The following VIL1 variants were observed in gnomAD, a reference collection of about 807,000 sequenced individuals.
VIL1 encodes villin-1.
Under a neutral mutation model 104.0 loss-of-function variants are expected in VIL1, and 86 were observed. That is an observed-to-expected ratio of 0.83 (90% CI 0.69 to 0.99). The LOEUF is 0.99. Among genes scored for constraint, VIL1 ranks in the 50% least tolerant of loss-of-function variants. The pLI is 0.00. For missense variants in VIL1, 944 were observed against 1,054.1 expected, an observed-to-expected ratio of 0.90 and a Z score of 1.45; for synonymous variants, 394 against 412.6, an observed-to-expected ratio of 0.95 and a Z score of 0.55.
chr2:218,432,261 A>T, intron 12 of VIL1, 78 bp downstream of exon 12: 1 of 1,549,792 alleles, frequency 6.5e-7, no homozygotes, highest in Non-Finnish European at 8.7e-7. Context: ...AGTGGCCATC[A>T]CCCTTGGGTT....
intron 19 of VIL1, among the ~76,000 whole-genome samples, chr2:218,441,340 GATC>G (rs1689280998): frequency 6.6e-6 from 1 of 151,108 alleles, no homozygotes; most frequent in Admixed American, 6.6e-5. Flanking sequence ...AGTGAGTCAA[GATC>G]ATGCCACTGC....
intron 19 of VIL1, among the ~76,000 whole-genome samples, chr2:218,448,736 G>A (rs1044027097): frequency 1.5e-4 from 23 of 152,054 alleles, no homozygotes; most frequent in African/African-American, 5.5e-4. Context: ...CAGGTGTGCT[G>A]GCTCACACCT....
chr2:218,433,821 G>A (rs1043333062), intron 13 of VIL1, among the ~76,000 whole-genome samples: 5 of 151,630 alleles, frequency 3.3e-5, no homozygotes, highest in Non-Finnish European at 7.4e-5. Flanking sequence ...GCAGGAGAAT[G>A]GCTTGAACCT....
chr2:218,444,769 G>A (rs1284921356), intron 19 of VIL1, among the ~76,000 whole-genome samples: 3 of 152,194 alleles, frequency 2.0e-5, no homozygotes, highest in African/African-American at 7.2e-5. Context: ...CTAAGTATTT[G>A]TGCACTGATG....
At chr2:218,428,549 G>C (rs1689042280) in intron 6 of VIL1, among the ~76,000 whole-genome samples, 1 of 152,226 alleles carries the variant, frequency 6.6e-6, no homozygotes, top group Non-Finnish European at 1.5e-5. Flanking sequence ...CAGTGTGACA[G>C]AGCCTGTGCC....
chr2:218,446,894 G>A (rs1379047321), intron 19 of VIL1, among the ~76,000 whole-genome samples: 2 of 151,388 alleles, frequency 1.3e-5, no homozygotes, highest in African/African-American at 4.9e-5. Flanking sequence ...CTCCGGAGTA[G>A]CTGGGATTAC....
chr2:218,424,319 T>G lies in VIL1; in HGVS notation c.118T>G (p.Phe40Val), dbSNP rs762191907. 9.3e-6 allele frequency: 15 copies of G among 1,613,948 alleles called. No individual in the cohort carries two copies. Among genetic ancestry groups the G allele is most frequent in the Non-Finnish European group, 1.2e-5 (14 of 1,180,034 alleles). Reference sequence around the variant, plus strand: ...TGTTCCTTCCAGCACCTTTGGAAGCTTCTTCGATGGTGACTGCTACATCAT... The same window carrying G: ...TGTTCCTTCCAGCACCTTTGGAAGCGTCTTCGATGGTGACTGCTACATCAT... The part of the protein sequence containing the change: ...VPVPSSTFGS[F>V]FDGDCYIILA... The change falls in exon 3 of 20, where the codon TTC becomes GTC. Residue 40 changes from phenylalanine to valine, a missense_variant. Coordinates refer to ENST00000248444, the MANE Select transcript of VIL1 (RefSeq NM_007127.3).
At chr2:218,436,140 A>C (rs749370585) in intron 15 of VIL1, among the ~76,000 whole-genome samples, 3 of 152,124 alleles carry the variant, frequency 2.0e-5, no homozygotes, top group Non-Finnish European at 4.4e-5. Context: ...TGACTGGCTC[A>C]AATGGTTTTT....
chr2:218,441,007 G>A, intron 19 of VIL1, 145 bp downstream of exon 19: 2 of 962,806 alleles, frequency 2.1e-6, no homozygotes, highest in South Asian at 1.7e-5. Flanking sequence ...TATATCCCAG[G>A]AGGAGAGAGA....
chr2:218,446,715 T>A (rs972804544), intron 19 of VIL1, among the ~76,000 whole-genome samples: 27 of 150,968 alleles, frequency 1.8e-4, no homozygotes, highest in African/African-American at 5.9e-4. Flanking sequence ...AGGAAGAAAG[T>A]CAGTATGGTG....
At chr2:218,445,946 C>A (rs942536151) in intron 19 of VIL1, among the ~76,000 whole-genome samples, 20 of 152,058 alleles carry the variant, frequency 1.3e-4, no homozygotes, top group African/African-American at 4.1e-4. Flanking sequence ...GATTTCTTAG[C>A]CAAGAGTAAA....
At chr2:218,424,248 A>G (rs770720523) in intron 2 of VIL1, 29 bp from the exon 3 acceptor site, 2 of 1,606,528 alleles carry the variant, frequency 1.2e-6, no homozygotes, top group Admixed American at 3.3e-5. Flanking sequence ...GGTCCAGGGC[A>G]GCCCCTCTGA....
chr2:218,422,398 A>G (rs910389988), intron 1 of VIL1, among the ~76,000 whole-genome samples: 3 of 152,176 alleles, frequency 2.0e-5, no homozygotes, highest in Non-Finnish European at 4.4e-5. Flanking sequence ...GGGACTTGGT[A>G]GGTTGAAAAA....
rs760448773 is a variant in VIL1 at position 218,432,057 on chromosome 2, T to G, written c.1215T>G (p.Ile405Met). 7 of 1,613,936 alleles carry G rather than the reference T, an allele frequency of 4.3e-6. No individual in the cohort carries two copies. The highest frequency in any genetic ancestry group is 5.9e-6 in the Non-Finnish European group (7 of 1,179,992). The change falls in exon 12 of 20, where the codon ATT (isoleucine) becomes ATG (methionine). Residue 405 changes from isoleucine to methionine, a missense_variant. Transcript: ENST00000248444. ...GATACTGGCCCTAGGTGTGGCGCAT[T>G]GAGAACCTAGAGCTGGTACCTGTGG... ...DGSGEVQVWR[I>M]ENLELVPVDS...
At chr2:218,426,326 C>T (rs1326846130) in intron 4 of VIL1, among the ~76,000 whole-genome samples, 1 of 151,978 alleles carries the variant, frequency 6.6e-6, no homozygotes, top group East Asian at 1.9e-4. Flanking sequence ...ACAGTCTTGG[C>T]TCACTGCAAA....
chr2:218,420,315 G>C (rs1014573737), intron 1 of VIL1, among the ~76,000 whole-genome samples: 5 of 150,920 alleles, frequency 3.3e-5, no homozygotes, highest in Non-Finnish European at 7.4e-5. Context: ...TATAGTCCCA[G>C]CTACTCGGGA....
chr2:218,429,357 G>C lies in VIL1; in HGVS notation c.640G>C (p.Glu214Gln). Residue 214 changes from glutamate (E) to glutamine (Q), a missense_variant, in exon 7 of 20, where the codon GAG becomes CAG. Glu to Gln is a conservative substitution (Grantham distance 29). Coordinates refer to ENST00000248444, the MANE Select transcript of VIL1 (RefSeq NM_007127.3). The part of the protein sequence containing the change: ...GRTYVGVVDG[E>Q]NELASPKLME... ...CACCTATGTAGGCGTGGTGGACGGA[G>C]AGAATGAATTGGCATCCCCGAAGCT... 1 of 1,614,166 alleles carries C rather than the reference G, an allele frequency of 6.2e-7. No homozygotes were observed. The highest frequency in any genetic ancestry group is 8.5e-7 in the Non-Finnish European group (1 of 1,180,046).
intron 15 of VIL1, among the ~76,000 whole-genome samples, chr2:218,436,128 G>A (rs1013408282): frequency 1.3e-5 from 2 of 152,050 alleles, no homozygotes; most frequent in Admixed American, 1.3e-4. Context: ...TGTGGGCCAC[G>A]GTGACTGGCT....
intron 1 of VIL1, among the ~76,000 whole-genome samples, chr2:218,421,459 C>T (rs1292702941): frequency 6.6e-6 from 1 of 152,154 alleles, no homozygotes; most frequent in Non-Finnish European, 1.5e-5. Context: ...AACTCAAATC[C>T]AAACCAGAGT....
Sources: gnomAD v4.1 joint callset for allele counts (sites outside exome capture counted in the v4.1 genomes callset) on GRCh38, gnomAD v4.1.1 for gene constraint, MANE v1.5 for transcripts, NCBI Gene and HGNC (gene_info 2026-07-23, HGNC 2026-07-21) for gene names.